The following MSANTD1 variants were observed in gnomAD, a reference collection of about 807,000 sequenced individuals.
MSANTD1 encodes myb/SANT-like DNA-binding domain-containing protein 1.
In MSANTD1, 7 loss-of-function variants were observed where a neutral mutation model predicts 24.2. The ratio of observed to expected loss-of-function variants is 0.29; its 90% confidence interval spans 0.16 to 0.54. The LOEUF (loss-of-function observed/expected upper bound fraction) is 0.54, where lower values mean the gene tolerates loss of function less well. Ranked by LOEUF, MSANTD1 falls within the 20% of genes least tolerant of loss-of-function variation. MSANTD1 has a pLI of 0.94. For synonymous variants in MSANTD1, 177 were observed against 181.1 expected (o/e 0.98, Z 0.18); for missense variants, 384 against 408.2 (o/e 0.94, Z 0.51).
At chr4:3,248,777 C>G (rs1055611842), upstream of MSANTD1, 18 of 157,540 alleles carry the variant, frequency 1.1e-4, no homozygotes, top group Non-Finnish European at 2.5e-4. Flanking sequence ...AGCCCAGGAC[C>G]CCCACCAGGG....
At chr4:3,244,390 C>T (rs1423784545), upstream of MSANTD1, 4 of 152,336 alleles carry the variant, frequency 2.6e-5, no homozygotes, top group Non-Finnish European at 4.4e-5. Flanking sequence ...GCTGTGTTCT[C>T]ACAGGGCCCA....
intron 1 of MSANTD1, 48 bp downstream of exon 1, chr4:3,249,590 C>A (rs755208171): frequency 4.0e-5 from 60 of 1,511,260 alleles, no homozygotes; most frequent in Non-Finnish European, 5.1e-5. Flanking sequence ...CGGGCCCGGG[C>A]GTGGCGGGCC....
chr4:3,251,500 C>T (rs1257383006), intron 1 of MSANTD1, among the ~76,000 whole-genome samples: 4 of 152,126 alleles, frequency 2.6e-5, no homozygotes, highest in African/African-American at 7.2e-5. Context: ...TTCCACACCG[C>T]AGCCCCTCAG....
intron 1 of MSANTD1, among the ~76,000 whole-genome samples, chr4:3,250,349 T>C (rs1002754745): frequency 2.6e-5 from 4 of 152,142 alleles, no homozygotes; most frequent in African/African-American, 7.2e-5. Context: ...CAGGGAGATG[T>C]TGGCGTCTAG....
At chr4:3,247,845 C>T (rs1018426674), upstream of MSANTD1, 5 of 152,294 alleles carry the variant, frequency 3.3e-5, no homozygotes, top group Non-Finnish European at 5.9e-5. Context: ...CCGCCATGCC[C>T]CTGCCCTGTC....
In MSANTD1 at chr4:3,256,067, G is replaced by C. The variant is rs1268877308; in HGVS notation, c.*102G>C. The C allele has an allele frequency of 7.4e-7, 1 of 1,351,684 alleles. No homozygotes were observed. The highest frequency in any genetic ancestry group is 1.5e-5 in the African/African-American group (1 of 65,070). The allele number at this position is 1,351,684 out of a possible 1,614,324, so 83.7% of individuals were successfully genotyped here. On this transcript the variant is annotated 3_prime_UTR_variant, in exon 3 of 3. Transcript: ENST00000438480. ...CAGGCGGGCAAGGGGGCCGCCCCGC[G>C]AGCGGAGACCGCCTTCCACCTGGCC...
chr4:3,252,158 G>A (rs531969971), intron 1 of MSANTD1, among the ~76,000 whole-genome samples: 28 of 152,364 alleles, frequency 1.8e-4, no homozygotes, highest in African/African-American at 5.0e-4. Flanking sequence ...AGGCAGAGTG[G>A]GGAGTGGGCA....
At chr4:3,255,552 G>T (rs995183104) in intron 2 of MSANTD1, among the ~76,000 whole-genome samples, 173 bp from the exon 3 acceptor site, 1 of 152,208 alleles carries the variant, frequency 6.6e-6, no homozygotes, top group African/African-American at 2.4e-5. Context: ...CAAAGGCGGT[G>T]GGTTCTGGCC....
At chr4:3,255,449 C>A (rs1722356326) in intron 2 of MSANTD1, among the ~76,000 whole-genome samples, 3 of 152,286 alleles carry the variant, frequency 2.0e-5, no homozygotes, top group African/African-American at 4.8e-5. Flanking sequence ...GTCTTGAACT[C>A]CTGACCTCAG....
At chr4:3,248,963 C>T (rs190334745), upstream of MSANTD1, 229 of 365,296 alleles carry the variant, frequency 6.3e-4, no homozygotes, top group African/African-American at 4.2e-3. Context: ...GAGGCAGGGC[C>T]GGGAGCCGGG....
rs1467505461 is a variant in MSANTD1 at position 3,255,735 on chromosome 4, C to T, written c.607C>T (p.Arg203Trp). The T allele has an allele frequency of 1.1e-5, 17 of 1,540,334 alleles. No homozygotes were observed. Among genetic ancestry groups the T allele is most frequent in the African/African-American group, 2.8e-5 (2 of 72,722 alleles). The change falls in exon 3 of 3, where the codon CGG (arginine) becomes TGG (tryptophan). Residue 203 changes from arginine (R) to tryptophan (W), a missense_variant. Arg to Trp is a moderately radical substitution (Grantham distance 101, BLOSUM62 -3). Coordinates refer to ENST00000438480, the MANE Select transcript of MSANTD1 (RefSeq NM_001042690.2). The stretch of plus-strand genomic sequence containing the variant: ...GCACTGTCCTTCCAGGTCGGAGGAG[C>T]GGCCGGTGAAGAAGCGCAAGGTGCA... The part of the protein sequence containing the change: ...LLSLKFRSEE[R>W]PVKKRKVQSC...
At chr4:3,246,176 G>C (rs373049802), upstream of MSANTD1, among the ~76,000 whole-genome samples, 724 of 152,202 alleles carry the variant, frequency 4.8e-3, 5 homozygotes, top group African/African-American at 0.016. Flanking sequence ...CTGCCCAGGG[G>C]CCCCCCGTGA....
At position 3,253,492 on chromosome 4, in the gene MSANTD1, C is replaced by T. The variant is rs769897426; in HGVS notation, c.596+10C>T. 1 of 1,510,440 alleles carries T rather than the reference C, an allele frequency of 6.6e-7. No individual in the cohort carries two copies. The highest frequency in any genetic ancestry group is 8.9e-7 in the Non-Finnish European group (1 of 1,122,986). 93.6% of individuals were successfully genotyped at this position (1,510,440 alleles called of 1,614,324 possible). A position where few individuals can be genotyped will look rare whatever the true frequency, so the allele number is the denominator to read the frequency against. ...TGTCCCTTAAGTTCAGGTAGTGTGT[C>T]TGCTTGTCCTTCCCCTGCCCTGGGG... On this transcript the variant is annotated intron_variant, in intron 2 of 2. Coordinates refer to ENST00000438480, the MANE Select transcript of MSANTD1 (RefSeq NM_001042690.2).
upstream of MSANTD1, chr4:3,246,773 CACATTGGAGGTCAG>C (rs1021593482): frequency 4.8e-6 from 3 of 630,460 alleles, no homozygotes; most frequent in Non-Finnish European, 5.7e-6. Context: ...TTCTTGTCCT[CACATTGGAGGTCAG>C]TGTGAGGGCT....
Position 3,256,548 on chromosome 4 carries a change from A to G in MSANTD1, c.*583A>G, listed in dbSNP as rs1722401398. On this transcript the variant is annotated 3_prime_UTR_variant, in exon 3 of 3. Coordinates refer to ENST00000438480, the MANE Select transcript of MSANTD1 (RefSeq NM_001042690.2). ...GCTTTTATTCAGCTCTGTTTGGAGC[A>G]TCAGGTGTTTCCACTGCCTCCTTAG... 6.6e-6 allele frequency: 1 copy of G among 152,322 alleles called. No individual in the cohort carries two copies. Among genetic ancestry groups the G allele is most frequent in the African/African-American group, 2.4e-5 (1 of 41,472 alleles). 9.4% of individuals were successfully genotyped at this position (152,322 alleles called of 1,614,324 possible).
rs1393541267 is a variant in MSANTD1 at position 3,255,756 on chromosome 4, G to T, written c.628G>T (p.Val210Leu). 12 of 1,546,384 alleles carry T rather than the reference G, an allele frequency of 7.8e-6. No homozygotes were observed. Among genetic ancestry groups the T allele is most frequent in the African/African-American group, 1.4e-5 (1 of 72,966 alleles). The change falls in exon 3 of 3, where the codon GTG becomes TTG. Residue 210 changes from valine to leucine, a missense_variant. Transcript: ENST00000438480. ...SEERPVKKRK[V>L]QSCHLQKKQL... ...GGAGCGGCCGGTGAAGAAGCGCAAG[G>T]TGCAGAGCTGCCACCTGCAGAAGAA...
intron 2 of MSANTD1, among the ~76,000 whole-genome samples, chr4:3,254,178 T>C (rs1335722688): frequency 2.0e-5 from 3 of 152,046 alleles, no homozygotes; most frequent in African/African-American, 4.8e-5. Flanking sequence ...AAGTTGGCCA[T>C]TTGGAGGCAA....
chr4:3,250,501 C>A (rs1443219099), intron 1 of MSANTD1, among the ~76,000 whole-genome samples: 1 of 152,108 alleles, frequency 6.6e-6, no homozygotes, highest in African/African-American at 2.4e-5. Flanking sequence ...CGGTGAGGGT[C>A]TTGCAGGGTG....
Position 3,256,157 on chromosome 4 carries a change from T to C in MSANTD1, c.*192T>C. ...CCCCAGGCCCTGGGGACCGTGAGGC[T>C]CCAGTCTCCAGCATGAATGCCCTTC... On this transcript the variant is annotated 3_prime_UTR_variant, in exon 3 of 3. Coordinates refer to ENST00000438480, the MANE Select transcript of MSANTD1 (RefSeq NM_001042690.2). The C allele has an allele frequency of 3.3e-6, 2 of 601,466 alleles. No individual in the cohort carries two copies. The highest frequency in any genetic ancestry group is 5.3e-6 in the Non-Finnish European group (2 of 376,004). 37.3% of individuals were successfully genotyped at this position (601,466 alleles called of 1,614,324 possible).
Sources: allele counts gnomAD v4.1 joint callset (sites outside exome capture counted in the v4.1 genomes callset), GRCh38; gene constraint gnomAD v4.1.1; transcripts MANE v1.5; gene names NCBI Gene and HGNC (gene_info 2026-07-23, HGNC 2026-07-21).